The following FNBP1 variants were observed in gnomAD, a reference collection of about 807,000 sequenced individuals.
The protein encoded by FNBP1 is formin-binding protein 1.
In FNBP1, 26 loss-of-function variants were observed where a neutral mutation model predicts 90.6. That is an observed-to-expected ratio of 0.29 (90% CI 0.21 to 0.40). The LOEUF (loss-of-function observed/expected upper bound fraction) is 0.40. Ranked by LOEUF, FNBP1 falls within the 10% of genes least tolerant of loss-of-function variation. FNBP1 has a pLI of 1.00. For missense variants in FNBP1, 635 were observed against 768.0 expected (o/e 0.83, Z 2.05); for synonymous variants, 260 against 265.2 (o/e 0.98, Z 0.19).
In FNBP1 at chr9:129,924,956, G is replaced by A. The variant is rs756956995; in HGVS notation, c.987+4C>T. The A allele has an allele frequency of 6.2e-6, 10 of 1,609,172 alleles. No homozygotes were observed. Among genetic ancestry groups the A allele is most frequent in the East Asian group, 2.2e-5 (1 of 44,846 alleles). The stretch of plus-strand genomic sequence containing the variant: ...AAAACTCATTTCACGCCAACCATCA[G>A]TACCTTATTTTTTTTGATGAACGGC... On this transcript the variant is annotated splice_donor_region_variant and intron_variant, in intron 9 of 16. Coordinates refer to ENST00000446176, the MANE Select transcript of FNBP1 (RefSeq NM_015033.3).
intron 1 of FNBP1, among the ~76,000 whole-genome samples, chr9:130,018,085 TTAA>T (rs2057439950): frequency 6.6e-6 from 1 of 151,318 alleles, no homozygotes; most frequent in African/African-American, 2.4e-5. Context: ...GGCTAATTTT[TTAA>T]TATTTTTAGT....
chr9:129,973,150 C>T (rs1281130917), intron 4 of FNBP1, among the ~76,000 whole-genome samples: 1 of 152,158 alleles, frequency 6.6e-6, no homozygotes, highest in Non-Finnish European at 1.5e-5. Context: ...AAGCAGGGGG[C>T]TCCAGCTCTG....
chr9:130,043,071 G>A lies in FNBP1; in HGVS notation c.-96C>T, dbSNP rs986031900. 8.6e-7 allele frequency: 1 copy of A among 1,160,644 alleles called. No individual in the cohort carries two copies. The highest frequency in any genetic ancestry group is 1.1e-6 in the Non-Finnish European group (1 of 925,988). 71.9% of individuals were successfully genotyped at this position (1,160,644 alleles called of 1,614,324 possible). On this transcript the variant is annotated 5_prime_UTR_variant, in exon 1 of 17. Transcript: ENST00000446176. ...TTTGCCCCCCGAGATCCCCGCGACGGCGGAAAGCCCGGAGTCCGCGCGGCC... is the reference window on the plus strand; with the variant it reads ...TTTGCCCCCCGAGATCCCCGCGACGACGGAAAGCCCGGAGTCCGCGCGGCC...
At chr9:130,023,087 C>G (rs1384818291) in intron 1 of FNBP1, among the ~76,000 whole-genome samples, 1 of 151,492 alleles carries the variant, frequency 6.6e-6, no homozygotes, top group South Asian at 2.1e-4. Flanking sequence ...TAAAAGGTAC[C>G]AAAAAGTGTG....
intron 4 of FNBP1, among the ~76,000 whole-genome samples, chr9:129,961,173 C>A (rs1266294301): frequency 1.2e-4 from 18 of 151,604 alleles, no homozygotes; most frequent in Admixed American, 1.2e-3. Context: ...AGTAGCCAGG[C>A]ATGGTGGCGC....
At chr9:129,897,537 T>C (rs775790016) in intron 15 of FNBP1, among the ~76,000 whole-genome samples, 3 of 152,244 alleles carry the variant, frequency 2.0e-5, no homozygotes, top group Non-Finnish European at 4.4e-5. Context: ...TGAGCTCTGA[T>C]TGCTAGTTTT....
intron 4 of FNBP1, among the ~76,000 whole-genome samples, chr9:129,962,192 C>G (rs770014943): frequency 3.3e-5 from 5 of 152,222 alleles, no homozygotes; most frequent in Non-Finnish European, 7.3e-5. Flanking sequence ...AGTTCCTCAT[C>G]TGTGAAATTC....
intron 1 of FNBP1, among the ~76,000 whole-genome samples, chr9:130,004,956 C>T (rs2055435578): frequency 6.6e-6 from 1 of 150,426 alleles, no homozygotes; most frequent in Admixed American, 6.8e-5. Context: ...GTCCCAGCTA[C>T]TTGGGAGGCT....
At chr9:129,898,486 G>T (rs2036218154) in intron 15 of FNBP1, among the ~76,000 whole-genome samples, 2 of 151,228 alleles carry the variant, frequency 1.3e-5, no homozygotes, top group South Asian at 4.2e-4. Flanking sequence ...GGCAAACACT[G>T]CAAACTGCCT....
intron 11 of FNBP1, 152 bp from the exon 12 acceptor site, chr9:129,909,151 T>C: frequency 1.5e-6 from 1 of 673,876 alleles, no homozygotes; most frequent in South Asian, 1.5e-5. Flanking sequence ...CCAGCCGAGA[T>C]GCAAAAATCA....
Position 129,955,833 on chromosome 9 carries a change from GCGCACA to G in FNBP1, c.513+1521_513+1526del, listed in dbSNP as rs998805333. Among the ~76,000 whole-genome samples the G allele has an allele frequency of 4.9e-3, 678 of 139,058 alleles. 3 individuals are homozygous for G. Among genetic ancestry groups the G allele is most frequent in the East Asian group, 0.013 (65 of 4,988 alleles). 91.2% of individuals were successfully genotyped at this position (139,058 alleles called of 152,430 possible). ...TATATACATATATACTTCTTTTAGCGCGCACACACACACACACACACACACACACAT... is the reference window on the plus strand; with the variant it reads ...TATATACATATATACTTCTTTTAGCGCACACACACACACACACACACACAT... On this transcript the variant is annotated intron_variant, in intron 6 of 16. Coordinates refer to ENST00000446176, the MANE Select transcript of FNBP1 (RefSeq NM_015033.3).
chr9:130,038,811 G>C (rs911723372), intron 1 of FNBP1, among the ~76,000 whole-genome samples: 10 of 152,184 alleles, frequency 6.6e-5, no homozygotes, highest in Admixed American at 5.2e-4. Flanking sequence ...TAAAGACAGA[G>C]AGGATACTAG....
chr9:129,943,384 C>CTTTT (rs11415197), intron 6 of FNBP1, among the ~76,000 whole-genome samples: 21 of 102,648 alleles, frequency 2.0e-4, no homozygotes, highest in East Asian at 3.1e-4. Context: ...TCATTAATTG[C>CTTTT]TTTTTTTTTT....
intron 6 of FNBP1, among the ~76,000 whole-genome samples, chr9:129,931,077 G>A (rs1223956912): frequency 1.3e-5 from 2 of 152,178 alleles, no homozygotes; most frequent in African/African-American, 4.8e-5. Flanking sequence ...GCTCGGGTGG[G>A]CAGATTGCTT....
chr9:129,983,448 C>CA (rs1193986049), intron 2 of FNBP1, among the ~76,000 whole-genome samples: 3 of 151,854 alleles, frequency 2.0e-5, no homozygotes, highest in Non-Finnish European at 4.4e-5. Flanking sequence ...AGAACTGCTA[C>CA]AAAAAAAAGA....
chr9:129,940,248 A>C (rs2044127982), intron 6 of FNBP1, among the ~76,000 whole-genome samples: 1 of 152,164 alleles, frequency 6.6e-6, no homozygotes, highest in East Asian at 1.9e-4. Flanking sequence ...TGACAACAAA[A>C]CAACATTTTG....
At chr9:129,961,481 AG>A (rs1384992940) in intron 4 of FNBP1, among the ~76,000 whole-genome samples, 1 of 152,224 alleles carries the variant, frequency 6.6e-6, no homozygotes, top group Non-Finnish European at 1.5e-5. Context: ...ATCCCAAGGA[AG>A]GAAGTGCTAG....
intron 10 of FNBP1, among the ~76,000 whole-genome samples, chr9:129,922,010 C>T (rs752051788): frequency 4.0e-5 from 6 of 150,584 alleles, no homozygotes; most frequent in Admixed American, 6.6e-5. Context: ...TATGTTTGTA[C>T]AAGAAAGCAT....
rs565477959 is a variant in FNBP1 at position 129,953,908 on chromosome 9, T to A, written c.513+3452A>T. On this transcript the variant is annotated intron_variant, in intron 6 of 16. Transcript: ENST00000446176. Reference sequence around the variant, plus strand: ...CCACAAAGATAAAATCTGATACTAGTAACAATGATTTTAAGGCTGGGCACA... The same window carrying A: ...CCACAAAGATAAAATCTGATACTAGAAACAATGATTTTAAGGCTGGGCACA... Among the ~76,000 whole-genome samples the A allele has an allele frequency of 2.0e-5, 3 of 151,882 alleles. No homozygotes were observed. The East Asian group carries it at 5.8e-4, about 29-fold the overall frequency.
Sources: gnomAD v4.1 joint callset for allele counts (sites outside exome capture counted in the v4.1 genomes callset) on GRCh38, gnomAD v4.1.1 for gene constraint, MANE v1.5 for transcripts, NCBI Gene and HGNC (gene_info 2026-07-23, HGNC 2026-07-21) for gene names.